The following SLC8A1 variants were observed in gnomAD, a reference collection of about 807,000 sequenced individuals.
SLC8A1 encodes the protein sodium/calcium exchanger 1.
SLC8A1 carries 18 observed loss-of-function variants against 68.3 expected under a neutral mutation model. The observed-to-expected ratio is 0.26, with a 90% CI of 0.18 to 0.39. The LOEUF is 0.39. Among genes scored for constraint, SLC8A1 ranks in the 10% least tolerant of loss-of-function variants. SLC8A1 has a pLI of 1.00. For synonymous variants in SLC8A1, 475 were observed against 415.5 expected (o/e 1.14, Z -1.74); for missense variants, 985 against 1,156.7 (o/e 0.85, Z 2.15).
At chr2:40,359,227 C>T (rs1673757293) in intron 2 of SLC8A1, among the ~76,000 whole-genome samples, 1 of 152,070 alleles carries the variant, frequency 6.6e-6, no homozygotes, top group Non-Finnish European at 1.5e-5. Flanking sequence ...AAATGAAACT[C>T]TCTCAATTTC....
intron 2 of SLC8A1, among the ~76,000 whole-genome samples, chr2:40,200,173 G>GAT (rs200436547): frequency 0.2 from 897 of 4,416 alleles, 62 homozygotes; most frequent in African/African-American, 0.3. Flanking sequence ...TCAAGTCATT[G>GAT]ATATATATAT....
At chr2:40,283,046 G>C (rs1416157763) in intron 2 of SLC8A1, among the ~76,000 whole-genome samples, 2 of 152,102 alleles carry the variant, frequency 1.3e-5, no homozygotes, top group African/African-American at 4.8e-5. Context: ...TCTTTATCAA[G>C]CCACAAATTT....
At chr2:40,305,782 T>C (rs1221311334) in intron 2 of SLC8A1, among the ~76,000 whole-genome samples, 1 of 152,200 alleles carries the variant, frequency 6.6e-6, no homozygotes, top group Non-Finnish European at 1.5e-5. Context: ...AGCCTCCTTA[T>C]TTTTTAGGAT....
At chr2:40,321,089 A>G (rs2075129540) in intron 2 of SLC8A1, among the ~76,000 whole-genome samples, 1 of 152,148 alleles carries the variant, frequency 6.6e-6, no homozygotes, top group South Asian at 2.1e-4. Context: ...ATTTTTCAAG[A>G]TCATACATCT....
rs187813319 is a variant in SLC8A1, at chr2:40,392,005, C to T, written c.1808+36468G>A. On this transcript the variant is annotated intron_variant, in intron 2 of 7. Coordinates refer to ENST00000406785, the Ensembl canonical transcript of SLC8A1. ...TTCTCATTCAGTCCTTAAGTGGAAACAGCAAAATGCTGGTTGCCTTCTCTT... is the reference window on the plus strand; with the variant it reads ...TTCTCATTCAGTCCTTAAGTGGAAATAGCAAAATGCTGGTTGCCTTCTCTT... 3.8e-4 allele frequency among the ~76,000 whole-genome samples: 57 copies of T among 151,558 alleles called. No homozygotes were observed. In the East Asian group the frequency reaches 0.011, roughly 29 times the overall value.
chr2:40,160,371 G>T (rs982086686), intron 6 of SLC8A1, among the ~76,000 whole-genome samples: 2 of 152,168 alleles, frequency 1.3e-5, no homozygotes, highest in African/African-American at 4.8e-5. Flanking sequence ...GTGGTCAAGT[G>T]TCTTAGTGTC....
At chr2:40,502,547 T>C (rs1047946042) in intron 1 of SLC8A1, among the ~76,000 whole-genome samples, 13 of 152,080 alleles carry the variant, frequency 8.5e-5, no homozygotes, top group African/African-American at 2.9e-4. Context: ...ACATATACTT[T>C]ATCTCATTGG....
chr2:40,157,402 C>G (rs116476566), intron 6 of SLC8A1, among the ~76,000 whole-genome samples: 1 of 152,228 alleles, frequency 6.6e-6, no homozygotes, highest in African/African-American at 2.4e-5. Context: ...AAGGCAGGGA[C>G]ACAAACCCAC....
At chr2:40,125,341 G>A (rs2037851407) in intron 7 of SLC8A1, among the ~76,000 whole-genome samples, 2 of 152,132 alleles carry the variant, frequency 1.3e-5, no homozygotes, top group African/African-American at 2.4e-5. Flanking sequence ...TCAGGATCTG[G>A]CCTGGGATCC....
intron 2 of SLC8A1, among the ~76,000 whole-genome samples, chr2:40,190,980 T>G (rs1183974747): frequency 1.3e-5 from 2 of 149,006 alleles, no homozygotes; most frequent in East Asian, 4.0e-4. Flanking sequence ...TTTGCACTTT[T>G]AAAGGAATAT....
intron 2 of SLC8A1, among the ~76,000 whole-genome samples, chr2:40,301,343 G>C (rs1425836988): frequency 3.3e-5 from 5 of 152,202 alleles, no homozygotes; most frequent in Non-Finnish European, 7.3e-5. Context: ...TAGTGGCTAA[G>C]TTAGTATTAG....
At chr2:40,417,373 T>A (rs929285841) in intron 2 of SLC8A1, among the ~76,000 whole-genome samples, 2 of 152,164 alleles carry the variant, frequency 1.3e-5, no homozygotes, top group African/African-American at 4.8e-5. Context: ...TCATTGGGAA[T>A]TGTAAACCAA....
rs192699454 is a variant in SLC8A1, at chr2:40,474,511, G to T, written c.-25+37838C>A. Among the ~76,000 whole-genome samples, 249 of 152,214 alleles carry T rather than the reference G, an allele frequency of 1.6e-3. 3 individuals are homozygous for T. Among genetic ancestry groups the T allele is most frequent in the African/African-American group, 5.6e-3 (234 of 41,526 alleles). On this transcript the variant is annotated intron_variant, in intron 1 of 7. Transcript: ENST00000402441. ...ATGTCAGCTTCCCCTTTTAATGTCA[G>T]CTTCCCCGTTTTCTTCCAGAGTTCC... is the stretch of plus-strand genomic sequence containing the variant.
intron 2 of SLC8A1, among the ~76,000 whole-genome samples, chr2:40,345,212 T>C (rs1668868152): frequency 6.6e-6 from 1 of 152,106 alleles, no homozygotes; most frequent in Non-Finnish European, 1.5e-5. Flanking sequence ...GTGGCCACAA[T>C]CAAAGCATAG....
intron 2 of SLC8A1, among the ~76,000 whole-genome samples, chr2:40,263,865 A>C (rs930153350): frequency 2.0e-5 from 3 of 152,248 alleles, no homozygotes; most frequent in East Asian, 1.9e-4. Context: ...TAATTAAACT[A>C]AAGAGCTTGT....
At chr2:40,320,250 C>CT (rs1211651137) in intron 2 of SLC8A1, among the ~76,000 whole-genome samples, 1 of 151,818 alleles carries the variant, frequency 6.6e-6, no homozygotes, top group Non-Finnish European at 1.5e-5. Context: ...AATACTTATT[C>CT]TTTTTTTTCA....
intron 2 of SLC8A1, among the ~76,000 whole-genome samples, chr2:40,215,913 T>C (rs1393195293): frequency 6.6e-6 from 1 of 151,848 alleles, no homozygotes; most frequent in Non-Finnish European, 1.5e-5. Context: ...TTCATAATCC[T>C]ACCAAACTCC....
At chr2:40,362,987 C>T (rs561577217) in intron 2 of SLC8A1, among the ~76,000 whole-genome samples, 3 of 152,100 alleles carry the variant, frequency 2.0e-5, no homozygotes, top group Non-Finnish European at 4.4e-5. Flanking sequence ...TGTTCCTCCT[C>T]AGTCCCTAGT....
intron 2 of SLC8A1, among the ~76,000 whole-genome samples, chr2:40,339,064 A>G (rs1168573727): frequency 6.6e-6 from 1 of 152,198 alleles, no homozygotes; most frequent in Non-Finnish European, 1.5e-5. Flanking sequence ...CTCAGATCAC[A>G]TAAACCTAGG....
Sources: allele counts gnomAD v4.1 joint callset (sites outside exome capture counted in the v4.1 genomes callset), GRCh38; gene constraint gnomAD v4.1.1; transcripts MANE v1.5; gene names NCBI Gene and HGNC (gene_info 2026-07-23, HGNC 2026-07-21).